PTPRD: variants seen among roughly 807,000 people sequenced by gnomAD.
PTPRD encodes the protein receptor-type tyrosine-protein phosphatase delta.
Under a neutral mutation model 214.5 loss-of-function variants are expected in PTPRD, and 34 were observed. That is an observed-to-expected ratio of 0.16 (90% CI 0.12 to 0.21). The LOEUF (loss-of-function observed/expected upper bound fraction) is 0.21, where lower values mean the gene tolerates loss of function less well. PTPRD is among the 10% of genes least tolerant of loss of function. The pLI is 1.00. For missense variants in PTPRD, 2,545 were observed against 2,398.7 expected (o/e 1.06, Z -1.27); for synonymous variants, 1,128 against 845.7 (o/e 1.33, Z -5.79).
At chr9:9,535,126 G>C (rs1165640943) in intron 8 of PTPRD, among the ~76,000 whole-genome samples, 1 of 152,022 alleles carries the variant, frequency 6.6e-6, no homozygotes, top group Non-Finnish European at 1.5e-5. Context: ...CCTCTGGACT[G>C]ACACACTCTG....
At chr9:8,692,735 T>C (rs147919714) in intron 12 of PTPRD, among the ~76,000 whole-genome samples, 1 of 152,192 alleles carries the variant, frequency 6.6e-6, no homozygotes, top group East Asian at 1.9e-4. Context: ...CTCCTTTTGA[T>C]ACCTTCACTT....
At chr9:10,026,266 A>C (rs2096921704) in intron 4 of PTPRD, among the ~76,000 whole-genome samples, 1 of 152,206 alleles carries the variant, frequency 6.6e-6, no homozygotes, top group African/African-American at 2.4e-5. Flanking sequence ...CAAAGATTGA[A>C]CAAGGAGATG....
At chr9:8,359,210 C>T (rs1484129079) in intron 39 of PTPRD, among the ~76,000 whole-genome samples, 1 of 151,420 alleles carries the variant, frequency 6.6e-6, no homozygotes, top group Non-Finnish European at 1.5e-5. Context: ...AAGTGCGGCC[C>T]CATGACCAGC....
chr9:9,673,499 A>G (rs2096869599), intron 7 of PTPRD, among the ~76,000 whole-genome samples: 3 of 151,902 alleles, frequency 2.0e-5, no homozygotes. Context: ...ACACAGTAAA[A>G]GAAAGAAAAA....
chr9:9,569,082 G>A (rs1591804341), intron 8 of PTPRD, among the ~76,000 whole-genome samples: 1 of 151,734 alleles, frequency 6.6e-6, no homozygotes, highest in African/African-American at 2.4e-5. Flanking sequence ...CCATTATACA[G>A]AGTTTAAAGT....
chr9:8,831,897 T>C (rs1044104520), intron 11 of PTPRD, among the ~76,000 whole-genome samples: 1 of 118,416 alleles, frequency 8.4e-6, no homozygotes, highest in Admixed American at 8.0e-5. Flanking sequence ...CATATTCTAT[T>C]TCTCCTTTAG....
intron 25 of PTPRD, among the ~76,000 whole-genome samples, chr9:8,497,646 CTT>C (rs538525021): frequency 7.9e-5 from 12 of 152,122 alleles, no homozygotes; most frequent in African/African-American, 2.7e-4. Flanking sequence ...ATATTTGACA[CTT>C]ATAACTTCAA....
intron 5 of PTPRD, among the ~76,000 whole-genome samples, chr9:9,886,341 C>T (rs75508340): frequency 0.016 from 2,415 of 152,130 alleles, 63 homozygotes; most frequent in African/African-American, 0.055. Flanking sequence ...TTTACATAAA[C>T]AAGAGTAATA....
chr9:10,540,522 G>A (rs745761191), intron 2 of PTPRD, among the ~76,000 whole-genome samples: 2 of 152,106 alleles, frequency 1.3e-5, no homozygotes, highest in African/African-American at 2.4e-5. Context: ...CTAAGTAGTA[G>A]TTTTGGAGTT....
At chr9:8,894,847 A>G (rs1341567255) in intron 11 of PTPRD, among the ~76,000 whole-genome samples, 1 of 151,990 alleles carries the variant, frequency 6.6e-6, no homozygotes, top group African/African-American at 2.4e-5. Context: ...GGAACACAGG[A>G]ACCAACTTAA....
Position 9,136,222 on chromosome 9 carries a change from G to T in PTPRD, c.-143+47082C>A, listed in dbSNP as rs577571209. On this transcript the variant is annotated intron_variant, in intron 10 of 45. Transcript: ENST00000381196. ...GAGAAAAAAATGGCAAGCACTAGAA[G>T]CTCAAGTATTTTCATTCCAACTTGA... 1.1e-4 allele frequency among the ~76,000 whole-genome samples: 16 copies of T among 152,166 alleles called. No individual in the cohort carries two copies. The South Asian group carries it at 3.3e-3, about 32-fold the overall frequency.
At chr9:10,086,125 T>C (rs1265063640) in intron 3 of PTPRD, among the ~76,000 whole-genome samples, 1 of 151,762 alleles carries the variant, frequency 6.6e-6, no homozygotes, top group Non-Finnish European at 1.5e-5. Context: ...TTTTAGCATA[T>C]TGGGGGCACG....
At chr9:9,836,150 T>G (rs577372750) in intron 5 of PTPRD, among the ~76,000 whole-genome samples, 1 of 152,256 alleles carries the variant, frequency 6.6e-6, no homozygotes, top group East Asian at 1.9e-4. Flanking sequence ...GAAATGGGAA[T>G]ATCAAGAGTC....
rs2097816887 is a variant in PTPRD at position 8,517,987 on chromosome 9, T to C, written c.1404A>G (p.Lys468=). Residue 468 remains lysine, a synonymous_variant, in exon 21 of 46, where the codon AAA becomes AAG. Transcript: ENST00000381196. ...DPTQHVNNWM[K]HNVADSQITT... Reference sequence around the variant, plus strand: ...TGATTTGGCTGTCAGCTACATTGTGTTTCATCCAGTTGTTGACATGTTGAG... The same window carrying C: ...TGATTTGGCTGTCAGCTACATTGTGCTTCATCCAGTTGTTGACATGTTGAG... 1 of 1,614,090 alleles carries C rather than the reference T, an allele frequency of 6.2e-7. No individual in the cohort carries two copies. The highest frequency in any genetic ancestry group is 1.3e-5 in the African/African-American group (1 of 74,936).
intron 9 of PTPRD, among the ~76,000 whole-genome samples, chr9:9,280,253 T>C (rs551952005): frequency 1.3e-5 from 2 of 151,372 alleles, no homozygotes; most frequent in East Asian, 2.0e-4. Context: ...GAGTGACTTG[T>C]AGAGTATAAT....
At chr9:9,680,118 G>A (rs937339961) in intron 7 of PTPRD, among the ~76,000 whole-genome samples, 2 of 151,804 alleles carry the variant, frequency 1.3e-5, no homozygotes, top group African/African-American at 4.8e-5. Flanking sequence ...ACAGTTATAT[G>A]TCTCCTAATA....
intron 9 of PTPRD, among the ~76,000 whole-genome samples, chr9:9,372,743 G>C (rs1392134682): frequency 6.6e-6 from 1 of 152,144 alleles, no homozygotes; most frequent in African/African-American, 2.4e-5. Flanking sequence ...TTTCGCAGTG[G>C]CTGGTACTGG....
At chr9:8,934,417 GTGTGTA>G (rs1310164987) in intron 11 of PTPRD, among the ~76,000 whole-genome samples, 579 of 36,066 alleles carry the variant, frequency 0.016, 5 homozygotes, top group Admixed American at 0.039. Flanking sequence ...GTGTGTGTGT[GTGTGTA>G]TATATATATA....
At chr9:8,467,467 G>A (rs796685344) in intron 31 of PTPRD, among the ~76,000 whole-genome samples, 13 of 151,798 alleles carry the variant, frequency 8.6e-5, no homozygotes, top group African/African-American at 2.7e-4. Flanking sequence ...TTTACTCCTC[G>A]TAATAACCCT....
Sources: gnomAD v4.1 joint callset for allele counts (sites outside exome capture counted in the v4.1 genomes callset) on GRCh38, gnomAD v4.1.1 for gene constraint, MANE v1.5 for transcripts, NCBI Gene and HGNC (gene_info 2026-07-23, HGNC 2026-07-21) for gene names.